PDZD2: variants seen among roughly 807,000 people sequenced by gnomAD.
The protein encoded by PDZD2 is PDZ domain containing 2, also known as PDZ domain-containing protein 2.
Under a neutral mutation model 220.7 loss-of-function variants are expected in PDZD2, and 90 were observed. The ratio of observed to expected loss-of-function variants is 0.41; its 90% CI spans 0.34 to 0.49. PDZD2 has a LOEUF of 0.49. PDZD2 is among the 20% of genes least tolerant of loss of function. The pLI is 0.28. For synonymous variants in PDZD2, 1,375 were observed against 1,450.5 expected (o/e 0.95, Z 1.18); for missense variants, 3,174 against 3,608.5 (o/e 0.88, Z 3.08).
intron 2 of PDZD2, among the ~76,000 whole-genome samples, chr5:31,861,260 A>G (rs1737682872): frequency 6.6e-6 from 1 of 152,180 alleles, no homozygotes; most frequent in Non-Finnish European, 1.5e-5. Flanking sequence ...ACTTCCTGGC[A>G]TGTGAGATGA....
intron 15 of PDZD2, among the ~76,000 whole-genome samples, 162 bp downstream of exon 15, chr5:32,069,812 G>A (rs997113256): frequency 1.3e-5 from 2 of 152,148 alleles, no homozygotes; most frequent in Admixed American, 1.3e-4. Flanking sequence ...TGTTAGTTTT[G>A]ATTTCTGCAG....
At chr5:31,944,134 A>G (rs886285326) in intron 2 of PDZD2, among the ~76,000 whole-genome samples, 1 of 152,200 alleles carries the variant, frequency 6.6e-6, no homozygotes, top group Admixed American at 6.5e-5. Context: ...TTGTTTTTCC[A>G]GATAATTGGT....
chr5:31,980,260 C>T (rs1750185809), intron 2 of PDZD2, among the ~76,000 whole-genome samples: 1 of 152,168 alleles, frequency 6.6e-6, no homozygotes. Flanking sequence ...ATGGATTTGC[C>T]TGTTCTGGAC....
rs1363162923 is a variant in PDZD2, at chr5:32,057,918, A to G, written c.2015A>G (p.Lys672Arg). The G allele has an allele frequency of 6.2e-7, 1 of 1,613,722 alleles. No individual in the cohort carries two copies. The highest frequency in any genetic ancestry group is 1.3e-5 in the African/African-American group (1 of 74,814). Reference sequence around the variant, plus strand: ...TTATTTGTTTTAACGGTACGCACAAAGTTGGTGAGCCCCAGCCTCACACCC... The same window carrying G: ...TTATTTGTTTTAACGGTACGCACAAGGTTGGTGAGCCCCAGCCTCACACCC... Reference protein sequence around the residue: ...SGLFVLTVRTKLVSPSLTPCS... With the variant: ...SGLFVLTVRTRLVSPSLTPCS... Residue 672 changes from lysine (K) to arginine (R), a missense_variant, in exon 12 of 25, where the codon AAG becomes AGG. By Grantham distance (26) the Lys-to-Arg change is conservative (BLOSUM62 2). Transcript: ENST00000438447.
chr5:31,698,385 A>G (rs1420024698), intron 1 of PDZD2, among the ~76,000 whole-genome samples: 2 of 149,588 alleles, frequency 1.3e-5, no homozygotes, highest in Non-Finnish European at 3.0e-5. Context: ...CACGAGGTCA[A>G]GAGATCAAGA....
chr5:32,002,512 C>G (rs1367966271), intron 5 of PDZD2, among the ~76,000 whole-genome samples: 2 of 151,994 alleles, frequency 1.3e-5, no homozygotes, highest in Non-Finnish European at 2.9e-5. Context: ...GAAGGAGAAA[C>G]TAGTTCATTG....
In PDZD2 at chr5:32,034,898, C is replaced by G. The variant is rs1206703683; in HGVS notation, c.1408-2333C>G. Reference sequence around the variant, plus strand: ...TTTGGGGTTGGGAAAGACATCCCTCCAGGGAATCTCTAAAATCACCCTCAA... The same window carrying G: ...TTTGGGGTTGGGAAAGACATCCCTCGAGGGAATCTCTAAAATCACCCTCAA... On this transcript the variant is annotated intron_variant, in intron 6 of 24. Transcript: ENST00000438447. Among the ~76,000 whole-genome samples, 3 of 152,148 alleles carry G rather than the reference C, an allele frequency of 2.0e-5. No homozygotes were observed. The East Asian group carries it at 5.8e-4, about 29-fold the overall frequency.
intron 5 of PDZD2, among the ~76,000 whole-genome samples, chr5:32,004,434 A>C (rs1433358488): frequency 6.6e-6 from 1 of 152,180 alleles, no homozygotes; most frequent in Non-Finnish European, 1.5e-5. Flanking sequence ...AAAATAAAAA[A>C]CAAAAAATTA....
At chr5:31,907,550 C>G (rs1034897212) in intron 2 of PDZD2, among the ~76,000 whole-genome samples, 1 of 152,180 alleles carries the variant, frequency 6.6e-6, no homozygotes, top group African/African-American at 2.4e-5. Flanking sequence ...GCCTTTCCTT[C>G]AAGAGACCCA....
chr5:31,689,353 A>ATATATATATATATTTTT lies in PDZD2; in HGVS notation c.-361+49917_-361+49918insATATATATATATTTTTT. On this transcript the variant is annotated intron_variant, in intron 1 of 24. Transcript: ENST00000438447. ...TACATATACATATATATATATATAT[A>ATATATATATATATTTTT]TTTTTTTTTTTTTTTTTTTTAAGTC... Among the ~76,000 whole-genome samples the ATATATATATATATTTTT allele has an allele frequency of 1.7e-3, 61 of 35,112 alleles. 1 individual carries two copies. The highest frequency in any genetic ancestry group is 1.7e-3 in the Non-Finnish European group (40 of 23,906). 23.0% of individuals were successfully genotyped at this position (35,112 alleles called of 152,430 possible).
chr5:31,721,877 T>G (rs896178487), intron 1 of PDZD2, among the ~76,000 whole-genome samples: 1 of 152,128 alleles, frequency 6.6e-6, no homozygotes, highest in Non-Finnish European at 1.5e-5. Context: ...GGGACTCTAC[T>G]TCCCCCTAAA....
At position 31,799,707 on chromosome 5, in the gene PDZD2, T is replaced by C; in HGVS notation, c.459T>C (p.Val153=). The change falls in exon 2 of 25, where the codon GTT becomes GTC. Residue 153 remains valine, a synonymous_variant. Coordinates refer to ENST00000438447, the MANE Select transcript of PDZD2 (RefSeq NM_178140.4). ...TGAATGGGCAGCTGATGGTTGGAGT[T>C]GATGTCAGTGGGGCCAGGTAAGTAG... The part of the protein sequence containing the change: ...LSLNGQLMVG[V]DVSGASYLAE... 1 of 1,612,622 alleles carries C rather than the reference T, an allele frequency of 6.2e-7. No homozygotes were observed. The highest frequency in any genetic ancestry group is 8.5e-7 in the Non-Finnish European group (1 of 1,178,936).
At chr5:31,814,041 A>G (rs1755283869) in intron 2 of PDZD2, among the ~76,000 whole-genome samples, 4 of 152,224 alleles carry the variant, frequency 2.6e-5, no homozygotes, top group Admixed American at 6.5e-5. Flanking sequence ...AAGATTTTTA[A>G]AAAAGAATAT....
At chr5:31,958,995 T>A (rs373418784) in intron 2 of PDZD2, among the ~76,000 whole-genome samples, 1 of 151,936 alleles carries the variant, frequency 6.6e-6, no homozygotes, top group East Asian at 1.9e-4. Context: ...TGCAGTGGCG[T>A]GATCTCAGCT....
intron 2 of PDZD2, among the ~76,000 whole-genome samples, chr5:31,802,083 T>C (rs115670934): frequency 0.019 from 2,831 of 152,264 alleles, 101 homozygotes; most frequent in African/African-American, 0.065. Flanking sequence ...GGAATCTTTA[T>C]TGAAGCTCTG....
intron 6 of PDZD2, among the ~76,000 whole-genome samples, chr5:32,030,592 G>C (rs969472628): frequency 1.3e-5 from 2 of 152,110 alleles, no homozygotes; most frequent in Non-Finnish European, 2.9e-5. Context: ...TATTTCTACT[G>C]TTTCTTTGTT....
intron 2 of PDZD2, among the ~76,000 whole-genome samples, chr5:31,974,003 C>T (rs778216009): frequency 1.3e-4 from 20 of 152,184 alleles, no homozygotes; most frequent in Non-Finnish European, 2.4e-4. Flanking sequence ...TGTTTTGAGA[C>T]AGAGTCTCAC....
At chr5:31,791,191 A>G (rs897201119) in intron 1 of PDZD2, among the ~76,000 whole-genome samples, 4 of 152,172 alleles carry the variant, frequency 2.6e-5, no homozygotes, top group Non-Finnish European at 5.9e-5. Context: ...CAGGCAATTT[A>G]GATTGCAGAC....
At chr5:31,916,595 T>C (rs1202584733) in intron 2 of PDZD2, among the ~76,000 whole-genome samples, 1 of 152,258 alleles carries the variant, frequency 6.6e-6, no homozygotes, top group Non-Finnish European at 1.5e-5. Context: ...TATTTTTAGA[T>C]TGGGCTTGCC....
Sources: gnomAD v4.1 joint callset for allele counts (sites outside exome capture counted in the v4.1 genomes callset) on GRCh38, gnomAD v4.1.1 for gene constraint, MANE v1.5 for transcripts, NCBI Gene and HGNC (gene_info 2026-07-23, HGNC 2026-07-21) for gene names.